Variants in PARD3B observed in about 807,000 individuals in gnomAD.
PARD3B encodes partitioning defective 3 homolog B.
In PARD3B, 103 loss-of-function variants were observed where a neutral mutation model predicts 130.2. The ratio of observed to expected loss-of-function variants is 0.79; its 90% CI spans 0.67 to 0.93. The LOEUF (loss-of-function observed/expected upper bound fraction) is 0.93, where lower values mean the gene tolerates loss of function less well. Among genes scored for constraint, PARD3B ranks in the 40% least tolerant of loss-of-function variants. The pLI is 0.00. For missense variants in PARD3B, 1,609 were observed against 1,499.2 expected (o/e 1.07, Z -1.21); for synonymous variants, 583 against 553.2 (o/e 1.05, Z -0.76).
At chr2:204,947,652 T>C (rs1423396420) in intron 2 of PARD3B, among the ~76,000 whole-genome samples, 1 of 149,508 alleles carries the variant, frequency 6.7e-6, no homozygotes, top group African/African-American at 2.5e-5. Context: ...TCACTGACTT[T>C]TTCCAGGCCT....
chr2:205,195,302 C>A (rs41384245), intron 15 of PARD3B, among the ~76,000 whole-genome samples: 1 of 152,016 alleles, frequency 6.6e-6, no homozygotes, highest in South Asian at 2.1e-4. Flanking sequence ...ACCCTAGTAC[C>A]AAACTAAAAG....
chr2:204,998,358 ATGTGTGTGTGTGTG>A (rs59323700), intron 3 of PARD3B, among the ~76,000 whole-genome samples: 28 of 69,722 alleles, frequency 4.0e-4, no homozygotes, highest in Non-Finnish European at 5.2e-4. Context: ...ATATATATAT[ATGTGTGTGTGTGTG>A]TGTATATATG....
chr2:205,401,187 T>C, intron 19 of PARD3B, 64 bp downstream of exon 19: 1 of 1,271,742 alleles, frequency 7.9e-7, no homozygotes, highest in Non-Finnish European at 1.1e-6. Context: ...ATTTAGATAT[T>C]GCAACAGTCA....
At chr2:205,454,130 G>A (rs1025582991) in intron 20 of PARD3B, among the ~76,000 whole-genome samples, 2 of 152,156 alleles carry the variant, frequency 1.3e-5, no homozygotes, top group Non-Finnish European at 2.9e-5. Flanking sequence ...CTACTTCTCT[G>A]TAGTAGTGCT....
chr2:205,488,042 C>T (rs2049514785), intron 20 of PARD3B, among the ~76,000 whole-genome samples: 1 of 151,990 alleles, frequency 6.6e-6, no homozygotes, highest in South Asian at 2.1e-4. Flanking sequence ...CCTTTTTAAT[C>T]AATATTTTGC....
chr2:205,422,983 A>C (rs752658911), intron 19 of PARD3B, among the ~76,000 whole-genome samples: 3 of 152,218 alleles, frequency 2.0e-5, no homozygotes, highest in Non-Finnish European at 2.9e-5. Context: ...GTCGTCTATA[A>C]AAGCCTCCTT....
At chr2:204,928,996 T>C (rs1219064795) in intron 2 of PARD3B, among the ~76,000 whole-genome samples, 2 of 152,224 alleles carry the variant, frequency 1.3e-5, no homozygotes, top group African/African-American at 4.8e-5. Flanking sequence ...AGTGGAAATA[T>C]TTAACTTGTT....
chr2:205,260,767 A>G (rs1212822335), intron 16 of PARD3B, among the ~76,000 whole-genome samples: 1 of 152,060 alleles, frequency 6.6e-6, no homozygotes, highest in Non-Finnish European at 1.5e-5. Context: ...TGTTTTTCCT[A>G]TCTAGAGCCA....
At chr2:205,472,993 G>GTA (rs1575107904) in intron 20 of PARD3B, among the ~76,000 whole-genome samples, 1 of 152,294 alleles carries the variant, frequency 6.6e-6, no homozygotes. Flanking sequence ...GGAAAGAAAA[G>GTA]TAAGTATAAG....
chr2:205,073,679 C>T (rs1700874873), intron 4 of PARD3B, among the ~76,000 whole-genome samples: 1 of 151,942 alleles, frequency 6.6e-6, no homozygotes, highest in South Asian at 2.1e-4. Context: ...TGCTTTTTTC[C>T]CCCTTTCCCT....
rs191798334 is a variant in PARD3B at position 205,407,736 on chromosome 2, C to T, written c.2741+6613C>T. 6.6e-6 allele frequency among the ~76,000 whole-genome samples: 1 copy of T among 152,104 alleles called. No individual in the cohort carries two copies. The highest frequency in any genetic ancestry group is 2.4e-5 in the African/African-American group (1 of 41,414). ...AAAATATCTCCACTGACACCAAAGA[C>T]TGTCTTCCATTGAAGTCCCATATTA... On this transcript the variant is annotated intron_variant, in intron 19 of 22. Coordinates refer to ENST00000406610, the MANE Select transcript of PARD3B (RefSeq NM_001302769.2). The surrounding 1 kb of genome is among the most constrained non-coding windows in gnomAD (Gnocchi z 4.1).
intron 1 of PARD3B, among the ~76,000 whole-genome samples, chr2:204,581,980 C>T (rs567298475): frequency 4.6e-5 from 7 of 152,164 alleles, no homozygotes; most frequent in African/African-American, 1.2e-4. Flanking sequence ...ATAAGGTTGC[C>T]GTGACTTTTA....
At chr2:205,083,682 A>G (rs11686559) in intron 4 of PARD3B, among the ~76,000 whole-genome samples, 64,716 of 150,528 alleles carry the variant, frequency 0.43, 14,209 homozygotes, top group East Asian at 0.56. Flanking sequence ...TGTATTTTCT[A>G]TTTTATTTCT....
chr2:205,142,516 A>G lies in PARD3B; in HGVS notation c.1435-16206A>G, dbSNP rs1015839752. On this transcript the variant is annotated intron_variant, in intron 10 of 22. Coordinates refer to ENST00000406610, the MANE Select transcript of PARD3B (RefSeq NM_001302769.2). This position sits in a 1 kb window ranked among gnomAD's most constrained non-coding sequence, Gnocchi z 4.3. Reference sequence around the variant, plus strand: ...AGATGCATACATTCTGCTGGATGCTAAACAGGAATCAAAGTTGAATTAAAC... The same window carrying G: ...AGATGCATACATTCTGCTGGATGCTGAACAGGAATCAAAGTTGAATTAAAC... Among the ~76,000 whole-genome samples, 4 of 152,296 alleles carry G rather than the reference A, an allele frequency of 2.6e-5. No individual in the cohort carries two copies. The highest frequency in any genetic ancestry group is 9.6e-5 in the African/African-American group (4 of 41,560).
intron 2 of PARD3B, among the ~76,000 whole-genome samples, chr2:204,920,292 A>G (rs2047621216): frequency 6.6e-6 from 1 of 152,154 alleles, no homozygotes; most frequent in African/African-American, 2.4e-5. Flanking sequence ...TTGTAGAGAG[A>G]GGCTCTGCAT....
chr2:205,585,338 C>T lies in PARD3B; in HGVS notation c.3261-30118C>T, dbSNP rs2054158306. ...CTGAGTAGCCTTAGAGTGGATTCCACCCTGCTGGGGCTGGCTGTTTATAAT... is the reference window on the plus strand; with the variant it reads ...CTGAGTAGCCTTAGAGTGGATTCCATCCTGCTGGGGCTGGCTGTTTATAAT... On this transcript the variant is annotated intron_variant, in intron 22 of 22. Coordinates refer to ENST00000406610, the MANE Select transcript of PARD3B (RefSeq NM_001302769.2). This position sits in a 1 kb window ranked among gnomAD's most constrained non-coding sequence, Gnocchi z 5.4. Among the ~76,000 whole-genome samples, 1 of 152,130 alleles carries T rather than the reference C, an allele frequency of 6.6e-6. No homozygotes were observed. The highest frequency in any genetic ancestry group is 1.5e-5 in the Non-Finnish European group (1 of 68,032).
chr2:204,876,841 G>C (rs1017107069), intron 2 of PARD3B, among the ~76,000 whole-genome samples: 5 of 152,052 alleles, frequency 3.3e-5, no homozygotes, highest in Non-Finnish European at 5.9e-5. Context: ...AAATCAAAGC[G>C]CTCCACTGTA....
intron 2 of PARD3B, among the ~76,000 whole-genome samples, chr2:204,912,659 T>C (rs1185791777): frequency 6.6e-6 from 1 of 152,152 alleles, no homozygotes; most frequent in East Asian, 1.9e-4. Flanking sequence ...CCTGTCGATA[T>C]TGAGTATTGG....
chr2:205,253,402 T>C lies in PARD3B; in HGVS notation c.2185+7580T>C, dbSNP rs2039940565. 1.8e-6 allele frequency: 1 copy of C among 568,082 alleles called. No homozygotes were observed. The highest frequency in any genetic ancestry group is 1.9e-5 in the African/African-American group (1 of 52,942). The allele number at this position is 568,082 out of a possible 1,614,324, so 35.2% of individuals were successfully genotyped here. On this transcript the variant is annotated intron_variant, in intron 16 of 22. Transcript: ENST00000406610. The surrounding 1 kb of genome is among the most constrained non-coding windows in gnomAD (Gnocchi z 4.4). ...GCTGACACACCCATGGCCATACGTT[T>C]GGTCTTCTTGGCCTTGGCTGGGCTG...
Sources: gnomAD v4.1 joint callset for allele counts (sites outside exome capture counted in the v4.1 genomes callset) on GRCh38, gnomAD v4.1.1 for gene constraint, Gnocchi (gnomAD v3.1) non-coding constraint, MANE v1.5 for transcripts, NCBI Gene and HGNC (gene_info 2026-07-23, HGNC 2026-07-21) for gene names.